The following SLC26A11 variants were observed in gnomAD, a reference collection of about 807,000 sequenced individuals.
SLC26A11 encodes sodium-independent sulfate anion transporter.
In SLC26A11, 58 loss-of-function variants were observed where a neutral mutation model predicts 62.2. The observed-to-expected ratio is 0.93, with a 90% confidence interval of 0.76 to 1.16. The LOEUF (loss-of-function observed/expected upper bound fraction) is 1.16. SLC26A11 is among the 50% of genes most tolerant of loss of function. The pLI, the probability that SLC26A11 is intolerant of heterozygous loss-of-function variation, is 0.00. For synonymous variants in SLC26A11, 411 were observed against 368.9 expected, an observed-to-expected ratio of 1.11 and a Z score of -1.31; for missense variants, 790 against 794.3, an observed-to-expected ratio of 0.99 and a Z score of 0.06.
rs201884168 is a variant in SLC26A11 at position 80,252,647 on chromosome 17, A to C, written c.1752A>C (p.Pro584=). 1.6e-4 allele frequency: 253 copies of C among 1,614,012 alleles called. 2 individuals are homozygous for C. The East Asian group carries it at 4.9e-3, about 31-fold the overall frequency. ...CAGAGAAGCACCTGAGGCAGGAGCC[A>C]GGGACCCAGCCCTACAACATCAGAG... ...EEAEKHLRQE[P]GTQPYNIRED... Residue 584 remains proline (P), a synonymous_variant, in exon 18 of 18, where the codon CCA becomes CCC. Coordinates refer to ENST00000361193, the MANE Select transcript of SLC26A11 (RefSeq NM_001166347.2). This position sits in a 1 kb window ranked among gnomAD's most constrained non-coding sequence, Gnocchi z 5.2.
intron 7 of SLC26A11, among the ~76,000 whole-genome samples, chr17:80,231,609 T>C (rs1183814806): frequency 2.0e-5 from 3 of 152,260 alleles, no homozygotes; most frequent in Non-Finnish European, 4.4e-5. Context: ...TGCTGTTCTT[T>C]AATTTTTATT....
intron 9 of SLC26A11, among the ~76,000 whole-genome samples, chr17:80,239,574 A>G (rs550574763): frequency 6.6e-6 from 1 of 151,766 alleles, no homozygotes; most frequent in Non-Finnish European, 1.5e-5. Context: ...TATTTTTAGT[A>G]GAGACGGGGT....
chr17:80,224,944 A>C, intron 5 of SLC26A11, among the ~76,000 whole-genome samples: 2 of 150,782 alleles, frequency 1.3e-5, no homozygotes, highest in East Asian at 2.0e-4. Context: ...AACCCCACCC[A>C]CCCTGTGCGC....
In SLC26A11 at chr17:80,251,346, C is replaced by T. The variant is rs542946796; in HGVS notation, c.1674C>T (p.Val558=). The change falls in exon 17 of 18, where the codon GTC becomes GTT. Residue 558 remains valine, a synonymous_variant. Transcript: ENST00000361193. ...TCTCTCAGGTCCCCGTTCTCCGTGT[C>T]CTGCTGTCCGCTGACCTGAAGGGGT... ...FVGLQVPVLR[V]LLSADLKGFQ... is the part of the protein sequence containing the mutation. The T allele has an allele frequency of 5.2e-4, 840 of 1,614,082 alleles. 9 individuals are homozygous for T. The South Asian group carries it at 8.8e-3, about 17-fold the overall frequency.
At position 80,252,642 on chromosome 17, in the gene SLC26A11, G is replaced by T; in HGVS notation, c.1747G>T (p.Glu583Ter). 6.2e-7 allele frequency: 1 copy of T among 1,613,918 alleles called. No homozygotes were observed. The highest frequency in any genetic ancestry group is 8.5e-7 in the Non-Finnish European group (1 of 1,179,938). ...TTCTGCAGAGAAGCACCTGAGGCAG[G>T]AGCCAGGGACCCAGCCCTACAACAT... is the stretch of plus-strand genomic sequence containing the variant. ...LEEAEKHLRQ[E>*]PGTQPYNIRE... The change falls in exon 18 of 18, where the codon GAG (glutamate) becomes TAG (stop). Residue 583 changes from glutamate to a stop codon, truncating the protein, a stop_gained. Transcript: ENST00000361193. LOFTEE classifies it low-confidence loss of function (END_TRUNC). This position sits in a 1 kb window ranked among gnomAD's most constrained non-coding sequence, Gnocchi z 5.2.
intron 9 of SLC26A11, among the ~76,000 whole-genome samples, chr17:80,241,301 C>T (rs1196107185): frequency 1.3e-5 from 2 of 152,182 alleles, no homozygotes; most frequent in Non-Finnish European, 2.9e-5. Context: ...ACTCTGTCGC[C>T]CAGACTGGAG....
At chr17:80,237,821 G>T (rs1350086761) in intron 9 of SLC26A11, among the ~76,000 whole-genome samples, 2 of 152,244 alleles carry the variant, frequency 1.3e-5, no homozygotes, top group Non-Finnish European at 2.9e-5. Flanking sequence ...TGTTGTAACA[G>T]CCTCTGCTGT....
chr17:80,224,889 A>C (rs1052807422), intron 5 of SLC26A11, among the ~76,000 whole-genome samples: 1 of 152,030 alleles, frequency 6.6e-6, no homozygotes, highest in Non-Finnish European at 1.5e-5. Context: ...CCAGGACAGA[A>C]GACCCTACCC....
intron 6 of SLC26A11, 61 bp downstream of exon 6, chr17:80,225,977 C>A: frequency 6.7e-7 from 1 of 1,491,430 alleles, no homozygotes; most frequent in Non-Finnish European, 9.3e-7. Flanking sequence ...CCTCCTCTCC[C>A]GGCCCCCACC....
In SLC26A11 at chr17:80,246,688, G is replaced by A. The variant is rs1480017680; in HGVS notation, c.1294+39G>A. 2 of 1,599,574 alleles carry A rather than the reference G, an allele frequency of 1.3e-6. No homozygotes were observed. Among genetic ancestry groups the A allele is most frequent in the African/African-American group, 2.7e-5 (2 of 74,600 alleles). ...CTACAGGGGAGAGCGCTGTGATGCGGTGTCTGAACGCGGAGGGTGTCATTT... is the reference window on the plus strand; with the variant it reads ...CTACAGGGGAGAGCGCTGTGATGCGATGTCTGAACGCGGAGGGTGTCATTT... On this transcript the variant is annotated intron_variant, in intron 13 of 17. Transcript: ENST00000361193. The surrounding 1 kb of genome is among the most constrained non-coding windows in gnomAD (Gnocchi z 4.4).
chr17:80,240,601 G>A (rs1275263074), intron 9 of SLC26A11, among the ~76,000 whole-genome samples: 2 of 151,848 alleles, frequency 1.3e-5, no homozygotes, highest in African/African-American at 2.4e-5. Flanking sequence ...TCAGGAGTTC[G>A]ACACAAGCCT....
rs74000684 is a variant in SLC26A11 at position 80,252,487 on chromosome 17, A to G, written c.1730-138A>G. 1 of 646,182 alleles carries G rather than the reference A, an allele frequency of 1.5e-6. No homozygotes were observed. The highest frequency in any genetic ancestry group is 2.6e-6 in the Non-Finnish European group (1 of 384,258). The allele number at this position is 646,182 out of a possible 1,614,324, so 40.0% of individuals were successfully genotyped here. ...GTGAGACCCTCATGGAGTTAGTGAC[A>G]CTGGCCTGGGTGGCCCACAGCTCCT... On this transcript the variant is annotated intron_variant, in intron 17 of 17. Transcript: ENST00000361193. This position sits in a 1 kb window ranked among gnomAD's most constrained non-coding sequence, Gnocchi z 5.2.
In SLC26A11 at chr17:80,248,455, A is replaced by C. The variant is rs1324402896; in HGVS notation, c.1423-120A>C. The stretch of plus-strand genomic sequence containing the variant: ...GGGGCCATGGGGGTCTCCCCTTAGC[A>C]CCCCTCTCCCGGTCCCCTGCAGCAC... On this transcript the variant is annotated intron_variant, in intron 14 of 17. Coordinates refer to ENST00000361193, the MANE Select transcript of SLC26A11 (RefSeq NM_001166347.2). 2.4e-6 allele frequency: 3 copies of C among 1,274,762 alleles called. No individual in the cohort carries two copies. In the African/African-American group the frequency reaches 4.4e-5, roughly 19 times the overall value. The allele number at this position is 1,274,762 out of a possible 1,614,324, so 79.0% of individuals were successfully genotyped here. A position where few individuals can be genotyped will look rare whatever the true frequency, so the allele number is the denominator to read the frequency against.
rs1399928968 is a variant in SLC26A11 at position 80,251,399 on chromosome 17, C to T, written c.1727C>T (p.Ala576Val). The T allele has an allele frequency of 1.9e-6, 3 of 1,613,866 alleles. No individual in the cohort carries two copies. Among genetic ancestry groups the T allele is most frequent in the Non-Finnish European group, 2.5e-6 (3 of 1,179,930 alleles). ...CAGTACTTCTCTACCCTGGAAGAAG[C>T]AGGTGGGCACAGTCAGACATCCTGT... ...GFQYFSTLEE[A>V]EKHLRQEPGT... Residue 576 changes from alanine to valine, a missense_variant and splice_region_variant, in exon 17 of 18, where the codon GCA becomes GTA. Coordinates refer to ENST00000361193, the MANE Select transcript of SLC26A11 (RefSeq NM_001166347.2).
intron 16 of SLC26A11, among the ~76,000 whole-genome samples, 184 bp from the exon 17 acceptor site, chr17:80,251,145 T>TA (rs368934378): frequency 1.9e-4 from 28 of 145,512 alleles, no homozygotes; most frequent in African/African-American, 2.5e-4. Flanking sequence ...AACAAAAAAT[T>TA]AAAAAAAAAA....
At chr17:80,248,014 G>T (rs899297745) in intron 13 of SLC26A11, 116 bp from the exon 14 acceptor site, 1 of 1,292,608 alleles carries the variant, frequency 7.7e-7, no homozygotes, top group Non-Finnish European at 1.0e-6. Context: ...GCTGCTTGGG[G>T]TCCATGAGCA....
rs537412623 is a variant in SLC26A11 at position 80,220,475 on chromosome 17, C to A, written c.-235C>A. On this transcript the variant is annotated 5_prime_UTR_variant, in exon 1 of 18. Coordinates refer to ENST00000361193, the MANE Select transcript of SLC26A11 (RefSeq NM_001166347.2). ...CCCAGCTGCGGCGACGCCAGGAGAC[C>A]CCAAGCTGCATCGCCGAGTGGGTGA... The A allele has an allele frequency of 2.4e-4, 145 of 610,450 alleles. No homozygotes were observed. The African/African-American group carries it at 2.5e-3, about 10-fold the overall frequency. The allele number at this position is 610,450 out of a possible 1,614,324, so 37.8% of individuals were successfully genotyped here.
Position 80,252,691 on chromosome 17 carries a change from A to C in SLC26A11, c.1796A>C (p.Gln599Pro), listed in dbSNP as rs200956038. 1.4e-5 allele frequency: 22 copies of C among 1,613,662 alleles called. No individual in the cohort carries two copies. Among genetic ancestry groups the C allele is most frequent in the Non-Finnish European group, 1.7e-5 (20 of 1,179,912 alleles). Residue 599 changes from glutamine to proline, a missense_variant, in exon 18 of 18, where the codon CAA becomes CCA. Physicochemically the swap from Gln to Pro is moderately conservative, Grantham distance 76. Transcript: ENST00000361193. The surrounding 1 kb of genome is among the most constrained non-coding windows in gnomAD (Gnocchi z 5.2). ...ATCAGAGAAGACTCCATTCTGGACC[A>C]AAAGGTTGCCCTGCTCAAGGCATAA... ...YNIREDSILD[Q>P]KVALLKA
At position 80,251,190 on chromosome 17, in the gene SLC26A11, G is replaced by A. The variant is rs986554718; in HGVS notation, c.1657-139G>A. 20 of 1,546,414 alleles carry A rather than the reference G, an allele frequency of 1.3e-5. 1 individual carries two copies. The South Asian group carries it at 1.6e-4, about 13-fold the overall frequency. ...TCTGACAGCATTCCCCTGGGGCTGCGTTTCTTCTCACCATTCACTGGTATG... is the reference window on the plus strand; with the variant it reads ...TCTGACAGCATTCCCCTGGGGCTGCATTTCTTCTCACCATTCACTGGTATG... On this transcript the variant is annotated intron_variant, in intron 16 of 17. Transcript: ENST00000361193.
Sources: allele counts gnomAD v4.1 joint callset (sites outside exome capture counted in the v4.1 genomes callset), GRCh38; gene constraint gnomAD v4.1.1; non-coding constraint Gnocchi (gnomAD v3.1); transcripts MANE v1.5; gene names NCBI Gene and HGNC (gene_info 2026-07-23, HGNC 2026-07-21).